Variants in RNLS observed in about 807,000 individuals in gnomAD.
RNLS encodes the protein renalase.
A neutral mutation model predicts 39.8 loss-of-function variants in RNLS; 39 were observed. The ratio of observed to expected loss-of-function variants is 0.98; its 90% CI spans 0.76 to 1.28. The LOEUF is 1.28. Ranked by LOEUF, RNLS falls within the 50% of genes most tolerant of loss-of-function variation. The probability of loss-of-function intolerance (pLI) is 0.00; values close to 1 mark genes in which losing one functional copy is unlikely to be tolerated. For missense variants in RNLS, 410 were observed against 413.3 expected (o/e 0.99, Z 0.07); for synonymous variants, 147 against 150.7 (o/e 0.98, Z 0.18).
At chr10:88,473,506 A>G (rs897818804) in intron 4 of RNLS, among the ~76,000 whole-genome samples, 4 of 152,176 alleles carry the variant, frequency 2.6e-5, no homozygotes. Context: ...GACTTGAGTC[A>G]TGTTCAAGTG....
chr10:88,375,252 T>C (rs1403082580), intron 4 of RNLS, among the ~76,000 whole-genome samples: 1 of 152,060 alleles, frequency 6.6e-6, no homozygotes, highest in African/African-American at 2.4e-5. Context: ...AAATTAAAAA[T>C]GGCTTTAATG....
rs114816570 is a variant in RNLS at position 88,327,138 on chromosome 10, C to T, written c.701-12497G>A. On this transcript the variant is annotated intron_variant, in intron 5 of 6. Coordinates refer to ENST00000331772, the MANE Select transcript of RNLS (RefSeq NM_001031709.3). ...GCCTTTTCTCAGATGAAACTTTGGA[C>T]TTGGACATTTGGGTTTATGCTGGAA... 4.6e-3 allele frequency among the ~76,000 whole-genome samples: 706 copies of T among 152,148 alleles called. 6 individuals are homozygous for T. Among genetic ancestry groups the T allele is most frequent in the African/African-American group, 0.017 (685 of 41,510 alleles).
chr10:88,396,595 A>G (rs1852570005), intron 4 of RNLS, among the ~76,000 whole-genome samples: 1 of 151,544 alleles, frequency 6.6e-6, no homozygotes, highest in African/African-American at 2.4e-5. Flanking sequence ...GACTTAAGAC[A>G]TATAGAAAAC....
intron 4 of RNLS, among the ~76,000 whole-genome samples, chr10:88,515,934 G>A (rs947923388): frequency 6.6e-6 from 1 of 151,952 alleles, no homozygotes; most frequent in Non-Finnish European, 1.5e-5. Context: ...AAGCCTTTAG[G>A]GTGGGCCCTA....
At position 88,572,982 on chromosome 10, in the gene RNLS, G is replaced by A. The variant is rs1849937037; in HGVS notation, c.447C>T (p.Gly149=). The change falls in exon 4 of 7, where the codon GGC becomes GGT. Residue 149 remains glycine, a synonymous_variant. Coordinates refer to ENST00000331772, the MANE Select transcript of RNLS (RefSeq NM_001031709.3). The part of the protein sequence containing the change: ...DDKWEVSKQT[G]SPEQFDLIVL... ...CAATAAGATCAAACTGCTCAGGGGAGCCTGTTTGTTTGGATACTTCCCATT... is the reference window on the plus strand; with the variant it reads ...CAATAAGATCAAACTGCTCAGGGGAACCTGTTTGTTTGGATACTTCCCATT... 3.1e-6 allele frequency: 5 copies of A among 1,613,958 alleles called. No individual in the cohort carries two copies. Among genetic ancestry groups the A allele is most frequent in the Non-Finnish European group, 4.2e-6 (5 of 1,179,878 alleles).
intron 5 of RNLS, among the ~76,000 whole-genome samples, chr10:88,317,622 A>T (rs1412638342): frequency 6.6e-6 from 1 of 152,230 alleles, no homozygotes; most frequent in Admixed American, 6.5e-5. Flanking sequence ...TATACAGTTC[A>T]GTAGCATTGA....
rs180923909 is a variant in RNLS, at chr10:88,479,556, C to T, written c.526+93347G>A. Among the ~76,000 whole-genome samples the T allele has an allele frequency of 4.5e-3, 683 of 151,990 alleles. 5 individuals are homozygous for T. The highest frequency in any genetic ancestry group is 0.016 in the African/African-American group (654 of 41,474). ...ATATTAGTGTCAATTTTAGAAATAT[C>T]AGTATCATCATCATCATCATCATCA... On this transcript the variant is annotated intron_variant, in intron 4 of 6. Transcript: ENST00000331772.
chr10:88,202,478 T>A, the RNLS span, among the ~76,000 whole-genome samples: 1 of 152,158 alleles, frequency 6.6e-6, no homozygotes, highest in African/African-American at 2.4e-5. Flanking sequence ...TTCTTTCTCA[T>A]CACTTTTACC....
chr10:88,504,085 T>C lies in RNLS; in HGVS notation c.526+68818A>G, dbSNP rs187025798. 1.3e-4 allele frequency among the ~76,000 whole-genome samples: 20 copies of C among 152,236 alleles called. No individual in the cohort carries two copies. In the East Asian group the frequency reaches 3.5e-3, roughly 26 times the overall value. On this transcript the variant is annotated intron_variant, in intron 4 of 6. Coordinates refer to ENST00000331772, the MANE Select transcript of RNLS (RefSeq NM_001031709.3). The stretch of plus-strand genomic sequence containing the variant: ...GCAACCACGTGAGTGAGCTAGGAAG[T>C]AGATTTTCCAGTCCCAGCTAAACCT...
chr10:88,365,128 C>T (rs1329643087), intron 4 of RNLS, among the ~76,000 whole-genome samples: 2 of 151,922 alleles, frequency 1.3e-5, no homozygotes, highest in African/African-American at 4.8e-5. Context: ...CAGCAATTAA[C>T]CTTACACACC....
intron 4 of RNLS, among the ~76,000 whole-genome samples, chr10:88,411,120 A>G (rs1010355823): frequency 6.6e-6 from 1 of 152,164 alleles, no homozygotes; most frequent in South Asian, 2.1e-4. Context: ...CGAGCTCTAC[A>G]GGAGTTGGTC....
chr10:88,256,627 G>A, the RNLS span, among the ~76,000 whole-genome samples: 1 of 152,188 alleles, frequency 6.6e-6, no homozygotes, highest in Admixed American at 6.5e-5. Flanking sequence ...GATAAACATG[G>A]AGGCTGTATC....
intron 5 of RNLS, among the ~76,000 whole-genome samples, chr10:88,356,276 G>A (rs186550882): frequency 0.013 from 2,023 of 152,292 alleles, 53 homozygotes; most frequent in African/African-American, 0.047. Flanking sequence ...ACCTCAGTTG[G>A]AAATGCAGAA....
At chr10:88,187,895 T>C in the RNLS span, among the ~76,000 whole-genome samples, 1 of 152,214 alleles carries the variant, frequency 6.6e-6, no homozygotes, top group East Asian at 1.9e-4. Context: ...ACATGGGCAA[T>C]AGTAGACGTT....
chr10:88,256,076 A>G, the RNLS span, among the ~76,000 whole-genome samples: 2 of 152,208 alleles, frequency 1.3e-5, no homozygotes, highest in Non-Finnish European at 2.9e-5. Context: ...CCCGTGGGGA[A>G]TATTTTTAAA....
intron 4 of RNLS, among the ~76,000 whole-genome samples, chr10:88,400,478 A>G (rs1728488246): frequency 1.3e-5 from 2 of 151,818 alleles, no homozygotes; most frequent in South Asian, 4.1e-4. Context: ...ATCTTTCGGG[A>G]CCTTATTAAT....
chr10:88,378,899 G>A (rs1041416235), intron 4 of RNLS, among the ~76,000 whole-genome samples: 3 of 152,112 alleles, frequency 2.0e-5, no homozygotes, highest in Admixed American at 1.3e-4. Flanking sequence ...AGAGGGTGAA[G>A]GAGAAGTTTT....
intron 4 of RNLS, among the ~76,000 whole-genome samples, chr10:88,385,443 A>C (rs1554878812): frequency 1.3e-5 from 2 of 152,220 alleles, no homozygotes; most frequent in Non-Finnish European, 2.9e-5. Context: ...ATTTCTATTT[A>C]TTAAACCCGG....
intron 4 of RNLS, among the ~76,000 whole-genome samples, chr10:88,554,202 T>A (rs184472088): frequency 1.3e-5 from 2 of 152,172 alleles, no homozygotes; most frequent in Admixed American, 1.3e-4. Flanking sequence ...CTTGGGCATG[T>A]TATTCTATGT....
Sources: allele counts gnomAD v4.1 joint callset (sites outside exome capture counted in the v4.1 genomes callset), GRCh38; gene constraint gnomAD v4.1.1; transcripts MANE v1.5; gene names NCBI Gene and HGNC (gene_info 2026-07-23, HGNC 2026-07-21).